BRWD3: variants seen among roughly 807,000 people sequenced by gnomAD.
The protein encoded by BRWD3 is bromodomain and WD repeat domain containing 3, also known as bromodomain and WD repeat-containing protein 3.
A neutral mutation model predicts 149.7 loss-of-function variants in BRWD3; 10 were observed. That is an observed-to-expected ratio of 0.07 (90% CI 0.04 to 0.11). The LOEUF is 0.11. Among genes scored for constraint, BRWD3 ranks in the 10% least tolerant of loss-of-function variants. The pLI is 1.00. For synonymous variants in BRWD3, 504 were observed against 456.7 expected (o/e 1.10, Z -1.32); for missense variants, 940 against 1,373.2 (o/e 0.68, Z 4.99).
In BRWD3 at chrX:80,692,075, A is replaced by G. The variant is rs1192406846; in HGVS notation, c.3325+14T>C. ...TTAAAAGAATTATAATTCATTTTTT[A>G]AAAGCATATTTACTTCCTTCTGGAA... On this transcript the variant is annotated intron_variant, in intron 29 of 40. Coordinates refer to ENST00000373275, the MANE Select transcript of BRWD3 (RefSeq NM_153252.5). 1 of 1,200,665 alleles carries G rather than the reference A, an allele frequency of 8.3e-7. No homozygotes were observed. The highest frequency in any genetic ancestry group is 2.2e-5 in the Admixed American group (1 of 45,933).
intron 36 of BRWD3, 88 bp from the exon 37 acceptor site, chrX:80,684,250 C>T (rs1602301670): frequency 3.6e-6 from 3 of 837,420 alleles, no homozygotes; most frequent in African/African-American, 2.0e-5. Context: ...CTACGATCCA[C>T]CATGAAATAA....
chrX:80,770,121 C>T (rs910053742), intron 6 of BRWD3, among the ~76,000 whole-genome samples: 3 of 111,301 alleles, frequency 2.7e-5, no homozygotes, highest in African/African-American at 9.8e-5. Context: ...AGCCTACCAA[C>T]CAAAAAAAGT....
chrX:80,720,927 T>C (rs2073142313), intron 17 of BRWD3, among the ~76,000 whole-genome samples: 1 of 112,418 alleles, frequency 8.9e-6, no homozygotes, highest in Non-Finnish European at 1.9e-5. Context: ...TTACATGCTG[T>C]ACAGGTTTGC....
chrX:80,691,218 A>G (rs1278781931), intron 30 of BRWD3, 45 bp from the exon 31 acceptor site: 4 of 1,166,632 alleles, frequency 3.4e-6, no homozygotes, highest in Non-Finnish European at 4.7e-6. Context: ...AAAGGACATT[A>G]ACATCTCATG....
At chrX:80,707,709 T>C (rs1233079729) in intron 21 of BRWD3, among the ~76,000 whole-genome samples, 1 of 112,326 alleles carries the variant, frequency 8.9e-6, no homozygotes, top group East Asian at 2.8e-4. Context: ...AGCATCATTA[T>C]CTTATTGATA....
At chrX:80,801,620 C>T (rs1185403543) in intron 4 of BRWD3, among the ~76,000 whole-genome samples, 1 of 109,550 alleles carries the variant, frequency 9.1e-6, no homozygotes, top group Non-Finnish European at 1.9e-5. Flanking sequence ...GTGGGCTGAT[C>T]ACTTGAGGTC....
chrX:80,690,190 T>C (rs1379118493), intron 31 of BRWD3, 98 bp from the exon 32 acceptor site: 2 of 894,654 alleles, frequency 2.2e-6, no homozygotes, highest in African/African-American at 2.0e-5. Context: ...AAACACAGTG[T>C]GTCAAAGGTG....
At chrX:80,688,146 G>A (rs777709501) in intron 33 of BRWD3, 21 bp from the exon 34 acceptor site, 1 of 1,127,528 alleles carries the variant, frequency 8.9e-7, no homozygotes, top group Non-Finnish European at 1.2e-6. Flanking sequence ...AAGGAAGAGT[G>A]GGAAAAGACG....
chrX:80,778,472 G>A (rs1171029369), intron 6 of BRWD3, among the ~76,000 whole-genome samples: 1 of 111,679 alleles, frequency 9.0e-6, no homozygotes, highest in Non-Finnish European at 1.9e-5. Flanking sequence ...ACAAGGCTCA[G>A]CCAATAACTA....
chrX:80,691,359 T>C (rs948884093), intron 30 of BRWD3, among the ~76,000 whole-genome samples, 186 bp from the exon 31 acceptor site: 28 of 111,957 alleles, frequency 2.5e-4, no homozygotes, highest in African/African-American at 8.8e-4. Flanking sequence ...GAATCATGCA[T>C]GATACACTGG....
chrX:80,711,190 G>A (rs1399682712), intron 20 of BRWD3, among the ~76,000 whole-genome samples: 1 of 111,468 alleles, frequency 9.0e-6, no homozygotes, highest in South Asian at 3.7e-4. Flanking sequence ...TATATAAGTG[G>A]ATTTAATAAT....
intron 11 of BRWD3, 93 bp from the exon 12 acceptor site, chrX:80,733,589 G>T: frequency 3.0e-6 from 2 of 668,400 alleles, no homozygotes; most frequent in South Asian, 2.7e-5. Context: ...AAAACATCAT[G>T]AAGTAGTTTT....
At chrX:80,766,970 G>A (rs2073867047) in intron 6 of BRWD3, among the ~76,000 whole-genome samples, 1 of 112,445 alleles carries the variant, frequency 8.9e-6, no homozygotes, top group Non-Finnish European at 1.9e-5. Flanking sequence ...GCCCGCACCT[G>A]TCTCTGCGAA....
intron 27 of BRWD3, 100 bp from the exon 28 acceptor site, chrX:80,693,151 T>C (rs2072634615): frequency 3.2e-6 from 2 of 615,854 alleles, no homozygotes; most frequent in East Asian, 6.6e-5. Flanking sequence ...GTACTGTATC[T>C]AGCATTATAA....
chrX:80,775,396 TG>T (rs751521189), intron 6 of BRWD3, among the ~76,000 whole-genome samples: 1 of 111,880 alleles, frequency 8.9e-6, no homozygotes, highest in Non-Finnish European at 1.9e-5. Context: ...GGGCTTTACT[TG>T]ACACAATTGG....
intron 6 of BRWD3, among the ~76,000 whole-genome samples, chrX:80,783,719 C>T (rs187251310): frequency 3.6e-5 from 4 of 111,054 alleles, no homozygotes; most frequent in South Asian, 3.8e-4. Context: ...GGTATTTATA[C>T]GCAATGGAAT....
At chrX:80,681,119 G>A (rs1325062664) in intron 40 of BRWD3, among the ~76,000 whole-genome samples, 4 of 108,631 alleles carry the variant, frequency 3.7e-5, no homozygotes, top group South Asian at 4.0e-4. Context: ...CCCATTTTAC[G>A]TTTTAAGACT....
chrX:80,793,160 CAAAAAAA>C lies in BRWD3; in HGVS notation c.331+455_331+461del, dbSNP rs201065966. 2.5e-4 allele frequency among the ~76,000 whole-genome samples: 11 copies of C among 44,467 alleles called. No individual in the cohort carries two copies. In the East Asian group the frequency reaches 8.2e-3, roughly 33 times the overall value. The allele number at this position is 44,467 out of a possible 115,157, so 38.6% of individuals were successfully genotyped here. A position where few individuals can be genotyped will look rare whatever the true frequency, so the allele number is the denominator to read the frequency against. On this transcript the variant is annotated intron_variant, in intron 5 of 40. Transcript: ENST00000373275. ...CTGGTGACAGAGCAAGACTCTGTCTCAAAAAAAAAAAAAAAAAAAAAAAAAAATTACT... is the reference window on the plus strand; with the variant it reads ...CTGGTGACAGAGCAAGACTCTGTCTCAAAAAAAAAAAAAAAAAAAATTACT...
intron 27 of BRWD3, among the ~76,000 whole-genome samples, chrX:80,694,441 G>A (rs776017083): frequency 1.3e-4 from 14 of 111,207 alleles, no homozygotes; most frequent in Non-Finnish European, 2.1e-4. Flanking sequence ...GAGAGTCACC[G>A]TCCTCCAGAC....
Sources: gnomAD v4.1 joint callset for allele counts (sites outside exome capture counted in the v4.1 genomes callset) on GRCh38, gnomAD v4.1.1 for gene constraint, MANE v1.5 for transcripts, NCBI Gene and HGNC (gene_info 2026-07-23, HGNC 2026-07-21) for gene names.